The following KRT71 variants were observed in gnomAD, a reference collection of about 807,000 sequenced individuals.
KRT71 encodes keratin, type II cytoskeletal 71.
Under a neutral mutation model 46.2 loss-of-function variants are expected in KRT71, and 42 were observed. The ratio of observed to expected loss-of-function variants is 0.91; its 90% CI spans 0.71 to 1.18. The LOEUF (loss-of-function observed/expected upper bound fraction) is 1.18, where lower values mean the gene tolerates loss of function less well. Among genes scored for constraint, KRT71 ranks in the 50% most tolerant of loss-of-function variants. KRT71 has a pLI of 0.00. For synonymous variants in KRT71, 292 were observed against 277.8 expected, an observed-to-expected ratio of 1.05 and a Z score of -0.51; for missense variants, 708 against 677.9, an observed-to-expected ratio of 1.04 and a Z score of -0.49.
chr12:52,548,436 G>A (rs2120569947), intron 4 of KRT71, 120 bp from the exon 5 acceptor site: 3 of 1,164,064 alleles, frequency 2.6e-6, no homozygotes, highest in East Asian at 4.8e-5. Flanking sequence ...CAAGGCTGCT[G>A]CCATCCAGGG....
At chr12:52,545,044 T>G (rs1212868939) in intron 8 of KRT71, among the ~76,000 whole-genome samples, 1 of 152,180 alleles carries the variant, frequency 6.6e-6, no homozygotes, top group African/African-American at 2.4e-5. Flanking sequence ...TCTATTAGCC[T>G]TTTTGCTAAA....
chr12:52,547,949 C>T lies in KRT71; in HGVS notation c.1012G>A (p.Gly338Arg), dbSNP rs867993367. The T allele has an allele frequency of 6.2e-7, 1 of 1,614,204 alleles. No individual in the cohort carries two copies. Among genetic ancestry groups the T allele is most frequent in the Non-Finnish European group, 8.5e-7 (1 of 1,180,038 alleles). Residue 338 changes from glycine to arginine, a missense_variant, in exon 6 of 9, where the codon GGG becomes AGG. Transcript: ENST00000267119. Reference protein sequence around the residue: ...QELQLAAGRHGDDLKNTKNEI... With the variant: ...QELQLAAGRHRDDLKNTKNEI... ...TTCTTGGTGTTTTTGAGGTCGTCCCCATGCCTGCCAGCTGCCAGCTGAAGC... is the reference window on the plus strand; with the variant it reads ...TTCTTGGTGTTTTTGAGGTCGTCCCTATGCCTGCCAGCTGCCAGCTGAAGC...
chr12:52,545,466 C>A (rs1939042438), intron 8 of KRT71, 99 bp downstream of exon 8: 4 of 717,736 alleles, frequency 5.6e-6, no homozygotes, highest in Non-Finnish European at 6.9e-6. Flanking sequence ...TTTTCCCTCT[C>A]TGGTTCTTAG....
rs773472684 is a variant in KRT71, at chr12:52,546,285, C to A, written c.1325+1G>T. ...CTCCTGTCTGGGCACGCCCCGCCCA[C>A]CTGCACTCCTCGCTCTCCAGTAGCT... is the stretch of plus-strand genomic sequence containing the variant. On this transcript the variant is annotated splice_donor_variant, in intron 7 of 8. Coordinates refer to ENST00000267119, the MANE Select transcript of KRT71 (RefSeq NM_033448.3). LOFTEE classifies it high-confidence loss of function. The A allele has an allele frequency of 1.2e-5, 19 of 1,614,002 alleles. No individual in the cohort carries two copies. The highest frequency in any genetic ancestry group is 1.5e-5 in the Non-Finnish European group (18 of 1,180,010).
At position 52,550,056 on chromosome 12, in the gene KRT71, C is replaced by A. The variant is rs371029689; in HGVS notation, c.629G>T (p.Arg210Leu). 1.2e-6 allele frequency: 2 copies of A among 1,614,042 alleles called. No individual in the cohort carries two copies. Among genetic ancestry groups the A allele is most frequent in the Admixed American group, 3.3e-5 (2 of 60,002 alleles). Residue 210 changes from arginine (R) to leucine (L), a missense_variant, in exon 2 of 9, where the codon CGG (arginine) becomes CTG (leucine). Physicochemically the swap from Arg to Leu is moderately radical, Grantham distance 102 (BLOSUM62 -2). Transcript: ENST00000267119. The part of the protein sequence containing the change: ...VRLDSELRNV[R>L]DVVEDYKKRY... ...CTTCTTGTAGTCCTCCACTACGTCC[C>A]GCACATTCCTCAGCTCCGAGTCCAG...
Position 52,544,662 on chromosome 12 carries a change from C to T in KRT71, c.1442G>A (p.Ser481Asn), listed in dbSNP as rs757764056. The change falls in exon 9 of 9, where the codon AGC becomes AAC. Residue 481 changes from serine (S) to asparagine (N), a missense_variant. By Grantham distance (46) the Ser-to-Asn change is conservative. Coordinates refer to ENST00000267119, the MANE Select transcript of KRT71 (RefSeq NM_033448.3). ...MVSGGYVANS[S>N]NCISGVCSVR... is the part of the protein sequence containing the mutation. ...GCTGCACACTCCAGAGATGCAGTTG[C>T]TGCTGTTGGCCACATAGCCACCGCT... 6.8e-6 allele frequency: 11 copies of T among 1,613,864 alleles called. No individual in the cohort carries two copies. Among genetic ancestry groups the T allele is most frequent in the South Asian group, 4.4e-5 (4 of 91,088 alleles).
In KRT71 at chr12:52,553,137, C is replaced by T. The variant is rs1450579291; in HGVS notation, c.-60G>A. 4.0e-6 allele frequency: 6 copies of T among 1,514,382 alleles called. No individual in the cohort carries two copies. The highest frequency in any genetic ancestry group is 5.3e-6 in the Non-Finnish European group (6 of 1,127,364). 93.8% of individuals were successfully genotyped at this position (1,514,382 alleles called of 1,614,324 possible). A position where few individuals can be genotyped will look rare whatever the true frequency, so the allele number is the denominator to read the frequency against. ...GAGGAAGGCAAAATCCCAAAAGGTTCTGCTGGTTGTAGTGAGGACTGGCAG... is the reference window on the plus strand; with the variant it reads ...GAGGAAGGCAAAATCCCAAAAGGTTTTGCTGGTTGTAGTGAGGACTGGCAG... On this transcript the variant is annotated 5_prime_UTR_variant, in exon 1 of 9. Coordinates refer to ENST00000267119, the MANE Select transcript of KRT71 (RefSeq NM_033448.3).
rs371456920 is a variant in KRT71 at position 52,544,592 on chromosome 12, G to C, written c.1512C>G (p.Tyr504Ter). The change falls in exon 9 of 9, where the codon TAC (tyrosine) becomes TAG (stop). Residue 504 changes from tyrosine (Y) to a stop codon, truncating the protein, a stop_gained. Coordinates refer to ENST00000267119, the MANE Select transcript of KRT71 (RefSeq NM_033448.3). LOFTEE classifies it high-confidence loss of function. ...EGRSRGSAND[Y>*]KDTLGKGSSL... ...TGGAACCCTTCCCTAGGGTGTCTTT[G>C]TAATCGTTGGCACTGCCCCGGCTCC... The C allele has an allele frequency of 1.4e-5, 23 of 1,614,108 alleles. No individual in the cohort carries two copies. In the African/African-American group the frequency reaches 2.3e-4, roughly 16 times the overall value.
chr12:52,549,477 T>A lies in KRT71; in HGVS notation c.657-124A>T, dbSNP rs902751198. ...ACAGGTGCTGGGGGCCGCAGAGTAC[T>A]GGGCAGGGGTAAGTGGGGGAAGGCT... On this transcript the variant is annotated intron_variant, in intron 2 of 8. Coordinates refer to ENST00000267119, the MANE Select transcript of KRT71 (RefSeq NM_033448.3). 10 of 779,962 alleles carry A rather than the reference T, an allele frequency of 1.3e-5. No individual in the cohort carries two copies. In the African/African-American group the frequency reaches 1.3e-4, roughly 10 times the overall value. The allele number at this position is 779,962 out of a possible 1,614,324, so 48.3% of individuals were successfully genotyped here.
intron 2 of KRT71, 45 bp from the exon 3 acceptor site, chr12:52,549,398 C>T (rs949136826): frequency 1.3e-6 from 2 of 1,532,838 alleles, no homozygotes; most frequent in Non-Finnish European, 1.8e-6. Context: ...TCACTGAAAG[C>T]CCTTGCTTTC....
At position 52,547,805 on chromosome 12, in the gene KRT71, C is replaced by G; in HGVS notation, c.1104+52G>C. The G allele has an allele frequency of 1.9e-6, 3 of 1,601,008 alleles. No homozygotes were observed. The South Asian group carries it at 3.4e-5, about 18-fold the overall frequency. ...ATGTTCTCAGCAGCTCATCTCCCCT[C>G]TACTCATGCTCCCCTGCACTTGACC... On this transcript the variant is annotated intron_variant, in intron 6 of 8. Coordinates refer to ENST00000267119, the MANE Select transcript of KRT71 (RefSeq NM_033448.3).
In KRT71 at chr12:52,544,670, G is replaced by A. The variant is rs1939027627; in HGVS notation, c.1434C>T (p.Ala478=). Reference sequence around the variant, plus strand: ...CTCCAGAGATGCAGTTGCTGCTGTTGGCCACATAGCCACCGCTGACCATGC... The same window carrying A: ...CTCCAGAGATGCAGTTGCTGCTGTTAGCCACATAGCCACCGCTGACCATGC... ...RPSMVSGGYV[A]NSSNCISGVC... is the part of the protein sequence containing the mutation. Residue 478 remains alanine (A), a synonymous_variant, in exon 9 of 9, where the codon GCC becomes GCT. Transcript: ENST00000267119. The A allele has an allele frequency of 6.2e-7, 1 of 1,613,780 alleles. No homozygotes were observed. Among genetic ancestry groups the A allele is most frequent in the Non-Finnish European group, 8.5e-7 (1 of 1,180,020 alleles).
chr12:52,552,836 C>A lies in KRT71; in HGVS notation c.242G>T (p.Gly81Val). 6.2e-7 allele frequency: 1 copy of A among 1,614,246 alleles called. No individual in the cohort carries two copies. Among genetic ancestry groups the A allele is most frequent in the South Asian group, 1.1e-5 (1 of 91,088 alleles). The change falls in exon 1 of 9, where the codon GGA (glycine) becomes GTA (valine). Residue 81 changes from glycine to valine, a missense_variant. Coordinates refer to ENST00000267119, the MANE Select transcript of KRT71 (RefSeq NM_033448.3). ...CAGGGCCACACTGCCAAACATGCTTCCAGCAAAGCCACTGGCCCGGCCCCG... is the reference window on the plus strand; with the variant it reads ...CAGGGCCACACTGCCAAACATGCTTACAGCAAAGCCACTGGCCCGGCCCCG... The part of the protein sequence containing the change: ...FGRGRASGFA[G>V]SMFGSVALGP...
At chr12:52,548,346 C>A (rs1939095751) in intron 4 of KRT71, 30 bp from the exon 5 acceptor site, 1 of 1,581,536 alleles carries the variant, frequency 6.3e-7, no homozygotes, top group African/African-American at 1.3e-5. Flanking sequence ...GGTCTCTCGG[C>A]TCAACTGCTG....
intron 2 of KRT71, among the ~76,000 whole-genome samples, 187 bp downstream of exon 2, chr12:52,549,842 A>G (rs1323787549): frequency 6.6e-6 from 1 of 152,150 alleles, no homozygotes. Context: ...ATTTGTCCTA[A>G]GAGTCAGGCC....
At chr12:52,547,455 C>T (rs1353052224) in intron 6 of KRT71, among the ~76,000 whole-genome samples, 2 of 152,234 alleles carry the variant, frequency 1.3e-5, no homozygotes, top group African/African-American at 4.8e-5. Context: ...GTTTATCAAG[C>T]TGCAACTATG....
rs756728394 is a variant in KRT71 at position 52,548,787 on chromosome 12, C to T, written c.727G>A (p.Ala243Thr). 5.6e-6 allele frequency: 9 copies of T among 1,614,052 alleles called. No homozygotes were observed. In the East Asian group the frequency reaches 1.3e-4, roughly 24 times the overall value. ...AGTTCCACCTTATTGGCGTAAGCAG[C>T]ATCCACATCCTGAAAGATGCCCCCA... ...EFVLLKKDVDAAYANKVELQA... is the reference protein window; with the variant it reads ...EFVLLKKDVDTAYANKVELQA... Residue 243 changes from alanine to threonine, a missense_variant, in exon 4 of 9, where the codon GCT becomes ACT. Transcript: ENST00000267119.
rs573068713 is a variant in KRT71 at position 52,551,528 on chromosome 12, G to C, written c.441+1109C>G. 1.9e-3 allele frequency among the ~76,000 whole-genome samples: 286 copies of C among 152,324 alleles called. 1 individual carries two copies. Among genetic ancestry groups the C allele is most frequent in the African/African-American group, 6.6e-3 (276 of 41,576 alleles). On this transcript the variant is annotated intron_variant, in intron 1 of 8. Transcript: ENST00000267119. ...CAGTCCTAGCCCCTGAGGCTGAGCC[G>C]AGGGCAGCAGGGACTCCTCCAGGCA... is the stretch of plus-strand genomic sequence containing the variant.
chr12:52,546,964 G>A (rs544315745), intron 6 of KRT71, among the ~76,000 whole-genome samples: 1 of 152,340 alleles, frequency 6.6e-6, no homozygotes, highest in South Asian at 2.1e-4. Flanking sequence ...CAAGCACTTA[G>A]TGTATGCCAG....
Sources: allele counts gnomAD v4.1 joint callset (sites outside exome capture counted in the v4.1 genomes callset), GRCh38; gene constraint gnomAD v4.1.1; transcripts MANE v1.5; gene names NCBI Gene and HGNC (gene_info 2026-07-23, HGNC 2026-07-21).